The following ATP8B1 variants were observed in gnomAD, a reference collection of about 807,000 sequenced individuals.
The protein encoded by ATP8B1 is phospholipid-transporting ATPase IC.
ATP8B1 carries 80 observed loss-of-function variants against 149.9 expected under a neutral mutation model. The ratio of observed to expected loss-of-function variants is 0.53; its 90% confidence interval spans 0.45 to 0.64. The LOEUF (loss-of-function observed/expected upper bound fraction) is 0.64. Ranked by LOEUF, ATP8B1 falls within the 30% of genes least tolerant of loss-of-function variation. The pLI is 0.00. For missense variants in ATP8B1, 1,247 were observed against 1,552.6 expected (o/e 0.80, Z 3.31); for synonymous variants, 536 against 562.8 (o/e 0.95, Z 0.67).
At chr18:57,661,713 AT>A (rs759201755) in intron 21 of ATP8B1, among the ~76,000 whole-genome samples, 1,386 of 92,514 alleles carry the variant, frequency 0.015, 14 homozygotes, top group African/African-American at 0.035. Flanking sequence ...ATATATATAT[AT>A]TTTTTTTTTT....
intron 1 of ATP8B1, among the ~76,000 whole-genome samples, chr18:57,783,527 G>C (rs574773745): frequency 3.4e-4 from 52 of 152,214 alleles, no homozygotes; most frequent in Non-Finnish European, 6.9e-4. Context: ...ATATTCACAA[G>C]AAGAGACAAT....
intron 8 of ATP8B1, 97 bp downstream of exon 8, chr18:57,697,521 A>G: frequency 1.5e-6 from 2 of 1,307,912 alleles, no homozygotes; most frequent in South Asian, 2.4e-5. Flanking sequence ...AGGCAAGGCC[A>G]GATATCAAGC....
At chr18:57,685,763 C>T (rs971784957) in intron 13 of ATP8B1, among the ~76,000 whole-genome samples, 5 of 151,444 alleles carry the variant, frequency 3.3e-5, no homozygotes, top group African/African-American at 1.2e-4. Context: ...GAAACTCCAT[C>T]TCTATTAAAA....
At chr18:57,747,279 C>T (rs1226280325) in intron 1 of ATP8B1, among the ~76,000 whole-genome samples, 1 of 152,022 alleles carries the variant, frequency 6.6e-6, no homozygotes, top group African/African-American at 2.4e-5. Flanking sequence ...ATGGTGAAAC[C>T]CCATCTCTAC....
At chr18:57,748,267 TAAA>T (rs2079983571) in intron 1 of ATP8B1, among the ~76,000 whole-genome samples, 1 of 152,174 alleles carries the variant, frequency 6.6e-6, no homozygotes, top group African/African-American at 2.4e-5. Flanking sequence ...ATTCTACAAA[TAAA>T]GAAACTGTAA....
rs1042028589 is a variant in ATP8B1 at position 57,802,972 on chromosome 18, G to C, written c.-26+26C>G. 2.0e-5 allele frequency: 3 copies of C among 152,168 alleles called. No homozygotes were observed. Among genetic ancestry groups the C allele is most frequent in the Non-Finnish European group, 4.4e-5 (3 of 68,072 alleles). The allele number at this position is 152,168 out of a possible 1,614,324, so 9.4% of individuals were successfully genotyped here. A position where few individuals can be genotyped will look rare whatever the true frequency, so the allele number is the denominator to read the frequency against. Reference sequence around the variant, plus strand: ...CCAAGGGGCTTGGGAAGGTCTGGGGGCCCCCGGCGCCGCACCCCTGCTTAC... The same window carrying C: ...CCAAGGGGCTTGGGAAGGTCTGGGGCCCCCCGGCGCCGCACCCCTGCTTAC... On this transcript the variant is annotated intron_variant, in intron 1 of 27. Coordinates refer to ENST00000648908, the MANE Select transcript of ATP8B1 (RefSeq NM_001374385.1). The surrounding 1 kb of genome is among the most constrained non-coding windows in gnomAD (Gnocchi z 4.9).
At chr18:57,658,668 T>TGTGTG (rs1555688370) in intron 22 of ATP8B1, among the ~76,000 whole-genome samples, 1 of 126,380 alleles carries the variant, frequency 7.9e-6, no homozygotes, top group African/African-American at 2.7e-5. Context: ...TGTGTGTGTG[T>TGTGTG]TCTTTTTTGT....
chr18:57,703,165 C>A (rs1913212494), intron 4 of ATP8B1, among the ~76,000 whole-genome samples: 1 of 152,148 alleles, frequency 6.6e-6, no homozygotes, highest in Non-Finnish European at 1.5e-5. Flanking sequence ...TCTCTCCTCT[C>A]CACGCATCCT....
In ATP8B1 at chr18:57,690,506, C is replaced by T. The variant is rs947561654; in HGVS notation, c.1220+1301G>A. 2.7e-4 allele frequency among the ~76,000 whole-genome samples: 41 copies of T among 152,218 alleles called. 1 individual carries two copies. The highest frequency in any genetic ancestry group is 2.4e-3 in the Admixed American group (36 of 15,284). On this transcript the variant is annotated intron_variant, in intron 12 of 27. Transcript: ENST00000648908. ...ATACCTTTATATAAAATTATGTATA[C>T]AGTTTCTTTTATAATACACATTGAT...
At chr18:57,751,408 CTT>C (rs967939686) in intron 1 of ATP8B1, among the ~76,000 whole-genome samples, 1 of 150,722 alleles carries the variant, frequency 6.6e-6, no homozygotes, top group African/African-American at 2.4e-5. Context: ...AGGAGTATCA[CTT>C]GATCCTGAGA....
At chr18:57,657,374 A>G (rs1435058038) in intron 22 of ATP8B1, among the ~76,000 whole-genome samples, 1 of 152,210 alleles carries the variant, frequency 6.6e-6, no homozygotes, top group Non-Finnish European at 1.5e-5. Context: ...GGGTCTTAAA[A>G]GTAACGAATG....
chr18:57,655,636 T>A (rs555218032), intron 22 of ATP8B1, among the ~76,000 whole-genome samples: 1 of 152,274 alleles, frequency 6.6e-6, no homozygotes, highest in African/African-American at 2.4e-5. Context: ...AGGGCCTCCA[T>A]AAATATCTGG....
intron 2 of ATP8B1, among the ~76,000 whole-genome samples, chr18:57,726,087 G>C (rs2123102794): frequency 6.6e-6 from 1 of 152,300 alleles, no homozygotes; most frequent in East Asian, 1.9e-4. Context: ...AGTTAGCCGA[G>C]CATGGTGGTA....
intron 6 of ATP8B1, among the ~76,000 whole-genome samples, chr18:57,700,805 C>A (rs1039297855): frequency 6.6e-6 from 1 of 152,120 alleles, no homozygotes; most frequent in Non-Finnish European, 1.5e-5. Flanking sequence ...GTAATCCCAT[C>A]TACTCGGAGG....
chr18:57,677,382 T>C (rs890163065), intron 15 of ATP8B1, among the ~76,000 whole-genome samples: 3 of 152,224 alleles, frequency 2.0e-5, no homozygotes, highest in African/African-American at 7.2e-5. Flanking sequence ...CTCTAGTTAT[T>C]TTGTCTCAAA....
At chr18:57,699,097 C>T (rs1599129480) in intron 6 of ATP8B1, among the ~76,000 whole-genome samples, 1 of 152,284 alleles carries the variant, frequency 6.6e-6, no homozygotes, top group Non-Finnish European at 1.5e-5. Flanking sequence ...GAGCAGGAGG[C>T]TTCAGGCAGA....
At chr18:57,789,528 T>G (rs899936829) in intron 1 of ATP8B1, among the ~76,000 whole-genome samples, 5 of 152,170 alleles carry the variant, frequency 3.3e-5, no homozygotes, top group Admixed American at 3.3e-4. Context: ...CCTACACACA[T>G]GAAAAGAGTG....
chr18:57,654,575 T>C (rs1323975216), intron 23 of ATP8B1, among the ~76,000 whole-genome samples: 1 of 152,030 alleles, frequency 6.6e-6, no homozygotes, highest in Non-Finnish European at 1.5e-5. Context: ...CACCTCGGCC[T>C]CCCAAAGTGC....
chr18:57,759,150 C>T (rs1355777565), intron 1 of ATP8B1, among the ~76,000 whole-genome samples: 3 of 90,314 alleles, frequency 3.3e-5, no homozygotes, highest in Non-Finnish European at 6.3e-5. Context: ...AACGAGATTC[C>T]ATCTCAAAAA....
Sources: allele counts gnomAD v4.1 joint callset (sites outside exome capture counted in the v4.1 genomes callset), GRCh38; gene constraint gnomAD v4.1.1; non-coding constraint Gnocchi (gnomAD v3.1); transcripts MANE v1.5; gene names NCBI Gene and HGNC (gene_info 2026-07-23, HGNC 2026-07-21).